Variants in ADGRB3 observed in about 807,000 individuals in gnomAD.
The protein encoded by ADGRB3 is adhesion G protein-coupled receptor B3, also known as brain-specific angiogenesis inhibitor 3.
In ADGRB3, 37 loss-of-function variants were observed where a neutral mutation model predicts 193.4. That is an observed-to-expected ratio of 0.19 (90% CI 0.15 to 0.25). ADGRB3 has a LOEUF of 0.25. Among genes scored for constraint, ADGRB3 ranks in the 10% least tolerant of loss-of-function variants. The probability of loss-of-function intolerance (pLI) is 1.00; values close to 1 mark genes in which losing one functional copy is unlikely to be tolerated. For missense variants in ADGRB3, 1,637 were observed against 1,852.9 expected (o/e 0.88, Z 2.14); for synonymous variants, 690 against 644.2 (o/e 1.07, Z -1.08).
chr6:69,058,030 T>A (rs950953636), intron 15 of ADGRB3, among the ~76,000 whole-genome samples: 8 of 151,944 alleles, frequency 5.3e-5, no homozygotes, highest in Non-Finnish European at 1.2e-4. Context: ...CTTCTTTAAA[T>A]GTATCATAGA....
At chr6:68,697,147 A>G (rs1017512970) in intron 3 of ADGRB3, among the ~76,000 whole-genome samples, 3 of 152,014 alleles carry the variant, frequency 2.0e-5, no homozygotes, top group Non-Finnish European at 4.4e-5. Context: ...TAATGTCTAG[A>G]AATAAGTTTT....
At chr6:69,252,021 G>C (rs916335011) in intron 20 of ADGRB3, among the ~76,000 whole-genome samples, 1 of 152,092 alleles carries the variant, frequency 6.6e-6, no homozygotes, top group African/African-American at 2.4e-5. Context: ...ATGGAACGTT[G>C]TCATCACCCT....
intron 17 of ADGRB3, among the ~76,000 whole-genome samples, chr6:69,201,792 G>GA (rs1264334136): frequency 6.6e-6 from 1 of 151,914 alleles, no homozygotes; most frequent in Non-Finnish European, 1.5e-5. Flanking sequence ...TTTCCTCCCT[G>GA]AATGGACTAT....
chr6:69,031,551 T>TTCTTTCTTTCTTTCTTTC (rs371280892), intron 13 of ADGRB3, among the ~76,000 whole-genome samples: 7 of 13,936 alleles, frequency 5.0e-4, no homozygotes, highest in East Asian at 4.6e-3. Flanking sequence ...CTTTCTTTCT[T>TTCTTTCTTTCTTTCTTTC]TTTCTTTCTT....
At chr6:68,860,568 A>G (rs1192870053) in intron 3 of ADGRB3, among the ~76,000 whole-genome samples, 1 of 152,222 alleles carries the variant, frequency 6.6e-6, no homozygotes, top group African/African-American at 2.4e-5. Flanking sequence ...CCATGATTTC[A>G]TTCTTTTTTA....
At chr6:69,213,485 G>A (rs1221194866) in intron 17 of ADGRB3, among the ~76,000 whole-genome samples, 2 of 151,888 alleles carry the variant, frequency 1.3e-5, no homozygotes, top group Non-Finnish European at 2.9e-5. Flanking sequence ...TTGGCTTTTG[G>A]GTAAGGAAAT....
chr6:69,042,031 C>G (rs1771088010), intron 13 of ADGRB3, among the ~76,000 whole-genome samples: 1 of 152,208 alleles, frequency 6.6e-6, no homozygotes, highest in South Asian at 2.1e-4. Flanking sequence ...AGTGGTTCAC[C>G]CCATCTTGTT....
At chr6:69,356,371 A>T (rs1769337713) in intron 28 of ADGRB3, among the ~76,000 whole-genome samples, 1 of 152,168 alleles carries the variant, frequency 6.6e-6, no homozygotes, top group Non-Finnish European at 1.5e-5. Flanking sequence ...GGTTATTGAG[A>T]AATCAAAATG....
rs753578195 is a variant in ADGRB3 at position 69,062,985 on chromosome 6, A to T, written c.2385A>T (p.Glu795Asp). ...TCATCGTGGTCACAATAAGGCCTGA[A>T]CCCAAAACAACCGATTCGTTTCTGG... Reference protein sequence around the residue: ...SKIIVVTIRPEPKTTDSFLEI... With the variant: ...SKIIVVTIRPDPKTTDSFLEI... The change falls in exon 16 of 32, where the codon GAA becomes GAT. Residue 795 changes from glutamate (E) to aspartate (D), a missense_variant. Glu to Asp is a conservative substitution (Grantham distance 45). Transcript: ENST00000370598. 1.9e-6 allele frequency: 3 copies of T among 1,612,352 alleles called. No homozygotes were observed. The highest frequency in any genetic ancestry group is 4.5e-5 in the East Asian group (2 of 44,798).
intron 13 of ADGRB3, among the ~76,000 whole-genome samples, chr6:69,025,435 A>G (rs1237516827): frequency 2.0e-5 from 3 of 151,616 alleles, no homozygotes; most frequent in Non-Finnish European, 4.4e-5. Flanking sequence ...TGTGATTCAC[A>G]CATCCCCATC....
intron 3 of ADGRB3, among the ~76,000 whole-genome samples, chr6:68,740,333 A>G (rs997746932): frequency 1.3e-5 from 2 of 152,214 alleles, no homozygotes; most frequent in African/African-American, 4.8e-5. Flanking sequence ...TAAGGCAGCA[A>G]GATCGCTTGA....
chr6:69,214,565 G>A (rs1048438758), intron 17 of ADGRB3, among the ~76,000 whole-genome samples: 1 of 152,066 alleles, frequency 6.6e-6, no homozygotes, highest in African/African-American at 2.4e-5. Context: ...GATTTTAGCT[G>A]TAAAGACTAG....
chr6:69,348,102 T>C (rs969859807), intron 26 of ADGRB3, among the ~76,000 whole-genome samples: 5 of 152,180 alleles, frequency 3.3e-5, no homozygotes, highest in African/African-American at 4.8e-5. Flanking sequence ...CAGTCTTGAT[T>C]TTCACACATG....
chr6:69,209,639 G>A (rs890245125), intron 17 of ADGRB3, among the ~76,000 whole-genome samples: 1 of 152,228 alleles, frequency 6.6e-6, no homozygotes, highest in African/African-American at 2.4e-5. Flanking sequence ...ACACCCCTGA[G>A]GTAGGACAGT....
intron 13 of ADGRB3, among the ~76,000 whole-genome samples, chr6:69,022,707 T>A (rs188027411): frequency 6.6e-4 from 100 of 152,130 alleles, no homozygotes; most frequent in Non-Finnish European, 1.4e-3. Context: ...TCTAAACTCA[T>A]GGCTTGAAAG....
intron 16 of ADGRB3, among the ~76,000 whole-genome samples, chr6:69,070,600 A>G (rs1186722901): frequency 6.6e-6 from 1 of 152,190 alleles, no homozygotes; most frequent in Non-Finnish European, 1.5e-5. Flanking sequence ...TATCATGAGC[A>G]GTGATTCTCT....
rs1029957526 is a variant in ADGRB3, at chr6:68,715,001, A to G, written c.757+75569A>G. On this transcript the variant is annotated intron_variant, in intron 3 of 31. Coordinates refer to ENST00000370598, the MANE Select transcript of ADGRB3 (RefSeq NM_001704.3). ...ATCAATTGTACTAGCAAAGAACACT[A>G]CAGTGCATAGTAGTTATATTTATCA... Among the ~76,000 whole-genome samples, 3 of 151,802 alleles carry G rather than the reference A, an allele frequency of 2.0e-5. No homozygotes were observed. In the East Asian group the frequency reaches 5.8e-4, roughly 29 times the overall value.
At chr6:68,895,777 A>G (rs552703496) in intron 3 of ADGRB3, among the ~76,000 whole-genome samples, 1 of 152,088 alleles carries the variant, frequency 6.6e-6, no homozygotes, top group South Asian at 2.1e-4. Context: ...GAATTCACAT[A>G]GTGTTTTTTT....
chr6:68,659,895 A>G lies in ADGRB3; in HGVS notation c.757+20463A>G, dbSNP rs546892659. Among the ~76,000 whole-genome samples the G allele has an allele frequency of 6.0e-5, 9 of 151,156 alleles. No homozygotes were observed. The South Asian group carries it at 1.9e-3, about 31-fold the overall frequency. On this transcript the variant is annotated intron_variant, in intron 3 of 31. Coordinates refer to ENST00000370598, the MANE Select transcript of ADGRB3 (RefSeq NM_001704.3). ...ACACAATTGCTAGGAAGGATTAACT[A>G]CTATTAATTCTTGCTTTCTTTTGCC...
Sources: allele counts gnomAD v4.1 joint callset (sites outside exome capture counted in the v4.1 genomes callset), GRCh38; gene constraint gnomAD v4.1.1; transcripts MANE v1.5; gene names NCBI Gene and HGNC (gene_info 2026-07-23, HGNC 2026-07-21).